The following UGT8 variants were observed in gnomAD, a reference collection of about 807,000 sequenced individuals.
UGT8 encodes the protein UDP glycosyltransferase 8.
Under a neutral mutation model 40.5 loss-of-function variants are expected in UGT8, and 12 were observed. The observed-to-expected ratio is 0.30, with a 90% CI of 0.19 to 0.48. The LOEUF (loss-of-function observed/expected upper bound fraction) is 0.48, where lower values mean the gene tolerates loss of function less well. Among genes scored for constraint, UGT8 ranks in the 20% least tolerant of loss-of-function variants. UGT8 has a pLI of 0.99. For synonymous variants in UGT8, 224 were observed against 240.4 expected, an observed-to-expected ratio of 0.93 and a Z score of 0.63; for missense variants, 513 against 648.7, an observed-to-expected ratio of 0.79 and a Z score of 2.27.
rs143525484 is a variant in UGT8 at position 114,656,266 on chromosome 4, T to A, written c.823-7729T>A. Among the ~76,000 whole-genome samples, 5 of 152,234 alleles carry A rather than the reference T, an allele frequency of 3.3e-5. No individual in the cohort carries two copies. In the East Asian group the frequency reaches 9.6e-4, roughly 29 times the overall value. On this transcript the variant is annotated intron_variant, in intron 2 of 5. Transcript: ENST00000310836. ...TAATACTGATTATCATGAAAAAAAT[T>A]GAGTGTTTTCTTTTTGTTTTTGTTT...
intron 2 of UGT8, among the ~76,000 whole-genome samples, chr4:114,662,969 A>T (rs1471265333): frequency 6.6e-6 from 1 of 151,108 alleles, no homozygotes; most frequent in East Asian, 1.9e-4. Flanking sequence ...GGTGCCCGCC[A>T]CCATGCCCAG....
chr4:114,666,715 A>G (rs1432267991), intron 4 of UGT8, among the ~76,000 whole-genome samples: 4 of 151,912 alleles, frequency 2.6e-5, no homozygotes, highest in Non-Finnish European at 5.9e-5. Flanking sequence ...TGGGTTTTCC[A>G]TTTCTTATTG....
rs148703627 is a variant in UGT8 at position 114,651,283 on chromosome 4, T to C, written c.823-12712T>C. Among the ~76,000 whole-genome samples, 74 of 152,262 alleles carry C rather than the reference T, an allele frequency of 4.9e-4. No homozygotes were observed. In the East Asian group the frequency reaches 0.011, roughly 23 times the overall value. On this transcript the variant is annotated intron_variant, in intron 2 of 5. Coordinates refer to ENST00000310836, the MANE Select transcript of UGT8 (RefSeq NM_001128174.3). ...TAAAATAAAGTACACCAAGAAAATA[T>C]GCAGTTTGACTTGAAAAGACTTGAC...
intron 2 of UGT8, among the ~76,000 whole-genome samples, chr4:114,636,273 G>T (rs138110452): frequency 6.6e-6 from 1 of 152,218 alleles, no homozygotes; most frequent in East Asian, 1.9e-4. Flanking sequence ...GGCCTCAAAA[G>T]GTTTATATCC....
At chr4:114,625,813 C>T (rs1205180453) in intron 2 of UGT8, among the ~76,000 whole-genome samples, 1 of 151,898 alleles carries the variant, frequency 6.6e-6, no homozygotes, top group Admixed American at 6.6e-5. Flanking sequence ...TTTTGGTGCT[C>T]GACATAAGGT....
Position 114,677,199 on chromosome 4 carries a change from G to A in UGT8, c.*911G>A, listed in dbSNP as rs188140889. On this transcript the variant is annotated 3_prime_UTR_variant, in exon 6 of 6. Coordinates refer to ENST00000310836, the MANE Select transcript of UGT8 (RefSeq NM_001128174.3). Reference sequence around the variant, plus strand: ...CATTTTTAAACAGCACCATTGTATTGTTGAATGTTTATGTAACTGATGGCT... The same window carrying A: ...CATTTTTAAACAGCACCATTGTATTATTGAATGTTTATGTAACTGATGGCT... 3.9e-5 allele frequency: 6 copies of A among 152,260 alleles called. No homozygotes were observed. The highest frequency in any genetic ancestry group is 3.9e-4 in the Admixed American group (6 of 15,294). The allele number at this position is 152,260 out of a possible 1,614,324, so 9.4% of individuals were successfully genotyped here.
At chr4:114,625,949 A>G (rs1332323337) in intron 2 of UGT8, among the ~76,000 whole-genome samples, 3 of 152,082 alleles carry the variant, frequency 2.0e-5, no homozygotes, top group Admixed American at 2.0e-4. Flanking sequence ...TTTGTTTACA[A>G]AGTTTGCTTT....
intron 2 of UGT8, among the ~76,000 whole-genome samples, chr4:114,662,236 C>G (rs1734587517): frequency 6.6e-6 from 1 of 152,160 alleles, no homozygotes; most frequent in Non-Finnish European, 1.5e-5. Flanking sequence ...CTGAAACGTA[C>G]TCAGAACACT....
chr4:114,664,273 CT>C, intron 3 of UGT8, 136 bp downstream of exon 3: 1 of 985,246 alleles, frequency 1.0e-6, no homozygotes, highest in Non-Finnish European at 1.5e-6. Flanking sequence ...CATTTTGTTT[CT>C]TAGCTTGTTG....
In UGT8 at chr4:114,664,102, A is replaced by G. The variant is rs1416860821; in HGVS notation, c.930A>G (p.Gly310=). ...AAGACATTGCTAACAAACTGGCAGG[A>G]GCTCTGGGGAGATTGCCTCAAAAAG... The part of the protein sequence containing the change: ...LSEDIANKLA[G]ALGRLPQKVI... The change falls in exon 3 of 6, where the codon GGA becomes GGG. Residue 310 remains glycine, a synonymous_variant. Coordinates refer to ENST00000310836, the MANE Select transcript of UGT8 (RefSeq NM_001128174.3). The G allele has an allele frequency of 1.2e-6, 2 of 1,613,938 alleles. No individual in the cohort carries two copies. Among genetic ancestry groups the G allele is most frequent in the East Asian group, 4.5e-5 (2 of 44,872 alleles).
At chr4:114,625,885 T>G (rs1732181595) in intron 2 of UGT8, among the ~76,000 whole-genome samples, 2 of 152,238 alleles carry the variant, frequency 1.3e-5, no homozygotes, top group Non-Finnish European at 2.9e-5. Context: ...TGACTTTCTT[T>G]GTGGAGTTCT....
At chr4:114,663,567 C>A in intron 2 of UGT8, 1 of 255,350 alleles carries the variant, frequency 3.9e-6, no homozygotes, top group Non-Finnish European at 6.1e-6. Context: ...CAACACAAAT[C>A]AATCATACTG....
At chr4:114,627,459 C>T (rs779282856) in intron 2 of UGT8, among the ~76,000 whole-genome samples, 18 of 151,796 alleles carry the variant, frequency 1.2e-4, no homozygotes, top group African/African-American at 2.9e-4. Flanking sequence ...GGAGTTTCAC[C>T]GTGTTAGCCA....
intron 1 of UGT8, among the ~76,000 whole-genome samples, chr4:114,614,840 CTTT>C (rs68162513): frequency 1.1e-4 from 11 of 98,476 alleles, no homozygotes; most frequent in African/African-American, 1.5e-4. Context: ...AGGTGCCAGA[CTTT>C]TTTTTTTTTT....
Position 114,677,799 on chromosome 4 carries a change from T to C in UGT8, c.*1511T>C, listed in dbSNP as rs139672727. On this transcript the variant is annotated 3_prime_UTR_variant, in exon 6 of 6. Coordinates refer to ENST00000310836, the MANE Select transcript of UGT8 (RefSeq NM_001128174.3). ...ACAACATTTACCTAATGTCATTCACTAACATGGAAGAGTTGTGAAAATTCT... is the reference window on the plus strand; with the variant it reads ...ACAACATTTACCTAATGTCATTCACCAACATGGAAGAGTTGTGAAAATTCT... The C allele has an allele frequency of 3.3e-5, 5 of 152,322 alleles. No homozygotes were observed. The East Asian group carries it at 7.7e-4, about 24-fold the overall frequency. The allele number at this position is 152,322 out of a possible 1,614,324, so 9.4% of individuals were successfully genotyped here.
intron 5 of UGT8, among the ~76,000 whole-genome samples, chr4:114,674,445 A>AT (rs1342323870): frequency 1.3e-5 from 2 of 151,810 alleles, no homozygotes; most frequent in African/African-American, 2.4e-5. Context: ...TCCCACCACC[A>AT]TTTTTTTAGT....
At chr4:114,611,187 G>C (rs947076092) in intron 1 of UGT8, among the ~76,000 whole-genome samples, 2 of 151,810 alleles carry the variant, frequency 1.3e-5, no homozygotes, top group Non-Finnish European at 2.9e-5. Context: ...ATACACGTTA[G>C]ACTGTAAAGC....
rs535480025 is a variant in UGT8 at position 114,676,085 on chromosome 4, C to G, written c.1423C>G (p.Leu475Val). Residue 475 changes from leucine to valine, a missense_variant, in exon 6 of 6, where the codon CTG becomes GTG. Transcript: ENST00000310836. The stretch of plus-strand genomic sequence containing the variant: ...GATCTCCTTTTGTCAGTATTTTTTA[C>G]TGGATATTGCCTTTGTGCTTTTGCT... Reference protein sequence around the residue: ...HQISFCQYFLLDIAFVLLLGA... With the variant: ...HQISFCQYFLVDIAFVLLLGA... 4 of 1,614,200 alleles carry G rather than the reference C, an allele frequency of 2.5e-6. No homozygotes were observed. The highest frequency in any genetic ancestry group is 3.4e-6 in the Non-Finnish European group (4 of 1,180,026).
chr4:114,629,270 A>G (rs1187721152), intron 2 of UGT8, among the ~76,000 whole-genome samples: 1 of 152,220 alleles, frequency 6.6e-6, no homozygotes, highest in Non-Finnish European at 1.5e-5. Context: ...GACAATGTTT[A>G]GAAGAGACTA....
Sources: allele counts gnomAD v4.1 joint callset (sites outside exome capture counted in the v4.1 genomes callset), GRCh38; gene constraint gnomAD v4.1.1; transcripts MANE v1.5; gene names NCBI Gene and HGNC (gene_info 2026-07-23, HGNC 2026-07-21).